Variants in CAPZA2 observed in about 807,000 individuals in gnomAD.
CAPZA2 encodes the protein F-actin-capping protein subunit alpha-2.
CAPZA2 carries 13 observed loss-of-function variants against 44.0 expected under a neutral mutation model. The ratio of observed to expected loss-of-function variants is 0.30; its 90% CI spans 0.19 to 0.47. CAPZA2 has a LOEUF of 0.47. Among genes scored for constraint, CAPZA2 ranks in the 20% least tolerant of loss-of-function variants. The probability of loss-of-function intolerance (pLI) is 1.00; values close to 1 mark genes in which losing one functional copy is unlikely to be tolerated. For synonymous variants in CAPZA2, 94 were observed against 108.2 expected, an observed-to-expected ratio of 0.87 and a Z score of 0.81; for missense variants, 244 against 338.6, an observed-to-expected ratio of 0.72 and a Z score of 2.19.
At chr7:116,898,527 G>T (rs1250099734) in intron 3 of CAPZA2, among the ~76,000 whole-genome samples, 3 of 152,032 alleles carry the variant, frequency 2.0e-5, no homozygotes, top group Non-Finnish European at 2.9e-5. Context: ...GAAAAGGCCA[G>T]TTATATTTAC....
chr7:116,917,475 T>G (rs554987514), intron 9 of CAPZA2, among the ~76,000 whole-genome samples: 1 of 152,156 alleles, frequency 6.6e-6, no homozygotes, highest in South Asian at 2.1e-4. Context: ...GCCAGGATGG[T>G]CTCGATCTCC....
intron 4 of CAPZA2, among the ~76,000 whole-genome samples, chr7:116,900,441 T>C (rs954304639): frequency 1.3e-5 from 2 of 150,778 alleles, no homozygotes; most frequent in South Asian, 2.1e-4. Context: ...TAAAAGAATT[T>C]GGGGAGATGT....
intron 1 of CAPZA2, among the ~76,000 whole-genome samples, chr7:116,882,708 G>A (rs893135836): frequency 3.9e-5 from 6 of 152,090 alleles, no homozygotes; most frequent in African/African-American, 1.4e-4. Flanking sequence ...CAATAGAATG[G>A]AGCATATTTT....
At chr7:116,915,815 G>GT (rs1791672258) in intron 8 of CAPZA2, 4 of 267,070 alleles carry the variant, frequency 1.5e-5, no homozygotes, top group Admixed American at 5.4e-5. Context: ...ATCCATGTGT[G>GT]TATCATTGAG....
In CAPZA2 at chr7:116,920,741, A is replaced by C. The variant is rs949673532; in HGVS notation, c.*2874A>C. Reference sequence around the variant, plus strand: ...CTGGGCTAGAAGAATGGGAAAGTGCATGAACCTGGAAACAATTTTATAGGC... The same window carrying C: ...CTGGGCTAGAAGAATGGGAAAGTGCCTGAACCTGGAAACAATTTTATAGGC... On this transcript the variant is annotated 3_prime_UTR_variant, in exon 10 of 10. Transcript: ENST00000361183. 3 of 152,426 alleles carry C rather than the reference A, an allele frequency of 2.0e-5. No individual in the cohort carries two copies. The highest frequency in any genetic ancestry group is 7.2e-5 in the African/African-American group (3 of 41,474). The allele number at this position is 152,426 out of a possible 1,614,324, so 9.4% of individuals were successfully genotyped here. A position where few individuals can be genotyped will look rare whatever the true frequency, so the allele number is the denominator to read the frequency against.
intron 1 of CAPZA2, among the ~76,000 whole-genome samples, chr7:116,887,822 G>A (rs190791097): frequency 3.2e-4 from 49 of 152,342 alleles, no homozygotes; most frequent in Middle Eastern, 3.4e-3. Context: ...AACAGAGTGA[G>A]ACTCCATCTC....
chr7:116,901,919 G>A (rs1288039536), intron 4 of CAPZA2, among the ~76,000 whole-genome samples: 36 of 145,756 alleles, frequency 2.5e-4, no homozygotes. Context: ...GTGTATGTGT[G>A]TATATATATA....
chr7:116,905,206 A>T (rs1012403567), intron 5 of CAPZA2, among the ~76,000 whole-genome samples: 14 of 151,602 alleles, frequency 9.2e-5, no homozygotes, highest in African/African-American at 2.9e-4. Context: ...TTTCTTTTTT[A>T]AAAATTTCAT....
chr7:116,868,929 TTAAAG>T (rs1796515342), intron 1 of CAPZA2, among the ~76,000 whole-genome samples: 1 of 152,334 alleles, frequency 6.6e-6, no homozygotes, highest in Admixed American at 6.5e-5. Flanking sequence ...ACTTTGTACA[TTAAAG>T]TAAATTTGTA....
In CAPZA2 at chr7:116,888,734, C is replaced by T. The variant is rs1796795340; in HGVS notation, c.103+544C>T. The T allele has an allele frequency of 2.7e-5, 4 of 146,444 alleles. 1 individual carries two copies. Among genetic ancestry groups the T allele is most frequent in the Non-Finnish European group, 4.5e-5 (3 of 67,050 alleles). The allele number at this position is 146,444 out of a possible 1,614,324, so 9.1% of individuals were successfully genotyped here. Reference sequence around the variant, plus strand: ...GGTGGCATGCTCCTGTTTTGAGAGGCTGAGGTTGGGGAATCATTTGAGCTC... The same window carrying T: ...GGTGGCATGCTCCTGTTTTGAGAGGTTGAGGTTGGGGAATCATTTGAGCTC... On this transcript the variant is annotated intron_variant, in intron 2 of 9. Transcript: ENST00000361183.
intron 1 of CAPZA2, among the ~76,000 whole-genome samples, chr7:116,871,501 T>A (rs1177958324): frequency 2.0e-5 from 3 of 152,198 alleles, no homozygotes; most frequent in African/African-American, 7.2e-5. Context: ...GCTGTTTAAG[T>A]GGTGGACTAG....
chr7:116,871,095 G>A (rs1796549322), intron 1 of CAPZA2, among the ~76,000 whole-genome samples: 1 of 152,212 alleles, frequency 6.6e-6, no homozygotes, highest in Non-Finnish European at 1.5e-5. Flanking sequence ...GTTAAAGCGA[G>A]ATGGGATAAG....
intron 4 of CAPZA2, 61 bp from the exon 5 acceptor site, chr7:116,904,116 A>G: frequency 4.3e-6 from 4 of 936,130 alleles, no homozygotes; most frequent in Non-Finnish European, 1.7e-6. Flanking sequence ...TGTAATTATG[A>G]TGTATCAATA....
intron 2 of CAPZA2, chr7:116,888,643 C>T (rs2115920304): frequency 6.7e-6 from 1 of 149,302 alleles, no homozygotes; most frequent in Non-Finnish European, 1.5e-5. Flanking sequence ...GAGTTCGAGA[C>T]CAGCCTGGGC....
chr7:116,862,931 G>C (rs985116256), intron 1 of CAPZA2, among the ~76,000 whole-genome samples: 2 of 151,776 alleles, frequency 1.3e-5, no homozygotes, highest in Non-Finnish European at 2.9e-5. Flanking sequence ...GCGGGGGCGC[G>C]GGCGCGGGGG....
intron 1 of CAPZA2, chr7:116,875,297 C>T (rs1490696848): frequency 1.3e-5 from 2 of 152,280 alleles, no homozygotes; most frequent in African/African-American, 4.8e-5. Context: ...TTTAGGTCTT[C>T]TAATTTGCTC....
rs1483100001 is a variant in CAPZA2 at position 116,910,324 on chromosome 7, A to G, written c.585+13A>G. ...CTTGAAAATTCAGGTATGAAAAATA[A>G]TTTGTTTACTGATCTTTAGATGATT... On this transcript the variant is annotated intron_variant, in intron 7 of 9. Coordinates refer to ENST00000361183, the MANE Select transcript of CAPZA2 (RefSeq NM_006136.3). The G allele has an allele frequency of 7.6e-7, 1 of 1,314,494 alleles. No homozygotes were observed. Among genetic ancestry groups the G allele is most frequent in the Non-Finnish European group, 1.1e-6 (1 of 907,124 alleles). The allele number at this position is 1,314,494 out of a possible 1,614,324, so 81.4% of individuals were successfully genotyped here.
intron 8 of CAPZA2, among the ~76,000 whole-genome samples, chr7:116,914,604 G>A (rs932450943): frequency 6.6e-6 from 1 of 152,068 alleles, no homozygotes; most frequent in Admixed American, 6.5e-5. Flanking sequence ...TGGGACTATA[G>A]GCGTGTGCCA....
At chr7:116,884,391 TTC>T (rs1415269099) in intron 1 of CAPZA2, among the ~76,000 whole-genome samples, 1 of 152,146 alleles carries the variant, frequency 6.6e-6, no homozygotes, top group African/African-American at 2.4e-5. Flanking sequence ...CTCGTCTCAT[TTC>T]TCTGTTTGTA....
Sources: allele counts gnomAD v4.1 joint callset (sites outside exome capture counted in the v4.1 genomes callset), GRCh38; gene constraint gnomAD v4.1.1; transcripts MANE v1.5; gene names NCBI Gene and HGNC (gene_info 2026-07-23, HGNC 2026-07-21).